Variants in NCAPD2 observed in about 807,000 individuals in gnomAD.
NCAPD2 encodes non-SMC condensin I complex subunit D2.
In NCAPD2, 100 loss-of-function variants were observed where a neutral mutation model predicts 164.5. The observed-to-expected ratio is 0.61, with a 90% CI of 0.52 to 0.72. NCAPD2 has a LOEUF of 0.72. Ranked by LOEUF, NCAPD2 falls within the 30% of genes least tolerant of loss-of-function variation. The probability of loss-of-function intolerance (pLI) is 0.00; values close to 1 mark genes in which losing one functional copy is unlikely to be tolerated. For synonymous variants in NCAPD2, 585 were observed against 642.6 expected (o/e 0.91, Z 1.36); for missense variants, 1,560 against 1,749.2 (o/e 0.89, Z 1.93).
At chr12:6,507,306 A>C (rs2137043428) in intron 2 of NCAPD2, among the ~76,000 whole-genome samples, 1 of 152,378 alleles carries the variant, frequency 6.6e-6, no homozygotes, top group Non-Finnish European at 1.5e-5. Context: ...ACAAAAATGA[A>C]GGGAGGCTGG....
chr12:6,527,702 T>C lies in NCAPD2; in HGVS notation c.2908-75T>C, dbSNP rs138756174. Reference sequence around the variant, plus strand: ...AATTTGCCCTTCCTCACTTTGTTCATGCAAAACAAAGTATGGGCTGGAATC... The same window carrying C: ...AATTTGCCCTTCCTCACTTTGTTCACGCAAAACAAAGTATGGGCTGGAATC... On this transcript the variant is annotated intron_variant, in intron 22 of 31. Coordinates refer to ENST00000315579, the MANE Select transcript of NCAPD2 (RefSeq NM_014865.4). The C allele has an allele frequency of 6.6e-3, 9,257 of 1,392,190 alleles. 53 individuals carry two copies. Among genetic ancestry groups the C allele is most frequent in the Non-Finnish European group, 8.4e-3 (8,425 of 1,004,376 alleles). The allele number at this position is 1,392,190 out of a possible 1,614,324, so 86.2% of individuals were successfully genotyped here.
At chr12:6,520,739 C>T (rs573143733) in intron 13 of NCAPD2, among the ~76,000 whole-genome samples, 2 of 152,046 alleles carry the variant, frequency 1.3e-5, no homozygotes, top group Non-Finnish European at 2.9e-5. Flanking sequence ...TTTTTGAAGA[C>T]TGTAGTAATG....
intron 17 of NCAPD2, among the ~76,000 whole-genome samples, chr12:6,524,497 A>T (rs1376225320): frequency 6.6e-6 from 1 of 151,830 alleles, no homozygotes; most frequent in Non-Finnish European, 1.5e-5. Context: ...AAATACAAAA[A>T]AATTAGCCAG....
intron 20 of NCAPD2, 33 bp from the exon 21 acceptor site, chr12:6,526,415 T>G: frequency 1.2e-6 from 2 of 1,614,146 alleles, no homozygotes; most frequent in Non-Finnish European, 1.7e-6. Flanking sequence ...GGCCCTTTGT[T>G]GCAGTAAACA....
intron 2 of NCAPD2, among the ~76,000 whole-genome samples, chr12:6,503,265 C>G (rs1300808340): frequency 0.026 from 6 of 232 alleles, no homozygotes; most frequent in Non-Finnish European, 0.044. Context: ...AGAAAATGGA[C>G]TGAGAAAAAT....
chr12:6,529,687 A>G, intron 28 of NCAPD2, 88 bp from the exon 29 acceptor site: 1 of 1,601,938 alleles, frequency 6.2e-7, no homozygotes, highest in Non-Finnish European at 8.5e-7. Flanking sequence ...CCACTGTGGC[A>G]TCCCTGGGAC....
At chr12:6,500,758 GTGAA>G (rs1946026845) in intron 2 of NCAPD2, among the ~76,000 whole-genome samples, 2 of 152,190 alleles carry the variant, frequency 1.3e-5, no homozygotes, top group South Asian at 4.1e-4. Flanking sequence ...GAACTTCAGT[GTGAA>G]TGAACTTGAA....
intron 2 of NCAPD2, among the ~76,000 whole-genome samples, chr12:6,495,588 G>GT (rs1269186480): frequency 6.6e-6 from 1 of 152,120 alleles, no homozygotes; most frequent in Non-Finnish European, 1.5e-5. Flanking sequence ...CCTGTTTTTG[G>GT]TAATACCTTT....
At chr12:6,522,531 G>C (rs1208490622) in intron 15 of NCAPD2, among the ~76,000 whole-genome samples, 1 of 151,214 alleles carries the variant, frequency 6.6e-6, no homozygotes, top group Non-Finnish European at 1.5e-5. Context: ...GCTACAGTGA[G>C]CTGTGGTCAT....
intron 17 of NCAPD2, among the ~76,000 whole-genome samples, chr12:6,524,558 A>T (rs1370509713): frequency 6.6e-6 from 1 of 150,674 alleles, no homozygotes; most frequent in Non-Finnish European, 1.5e-5. Flanking sequence ...CTGAGGCAGG[A>T]CAGTTGCTTG....
chr12:6,514,416 C>T (rs747968970), intron 7 of NCAPD2, 24 bp downstream of exon 7: 8 of 1,614,042 alleles, frequency 5.0e-6, no homozygotes, highest in Admixed American at 1.7e-5. Context: ...CGCTTTGCCC[C>T]GCCTTTTTTG....
chr12:6,496,211 A>G (rs1945982931), intron 2 of NCAPD2, among the ~76,000 whole-genome samples: 1 of 151,686 alleles, frequency 6.6e-6, no homozygotes, highest in Non-Finnish European at 1.5e-5. Context: ...GGTGCACGCC[A>G]CTACCACCTG....
Position 6,517,604 on chromosome 12 carries a change from T to A in NCAPD2, c.1329T>A (p.Asp443Glu), listed in dbSNP as rs1946215587. Residue 443 changes from aspartate (D) to glutamate (E), a missense_variant, in exon 12 of 32, where the codon GAT (aspartate) becomes GAA (glutamate). Asp to Glu is a conservative substitution (Grantham distance 45). Coordinates refer to ENST00000315579, the MANE Select transcript of NCAPD2 (RefSeq NM_014865.4). The stretch of plus-strand genomic sequence containing the variant: ...TTCATTTTACCTGATAGCTTAGTGA[T>A]GCTGACCTTGCCGGACCACTGCAGA... ...ANNPFSCKLS[D>E]ADLAGPLQKE... 1.2e-6 allele frequency: 2 copies of A among 1,614,144 alleles called. No individual in the cohort carries two copies. Among genetic ancestry groups the A allele is most frequent in the African/African-American group, 2.7e-5 (2 of 74,950 alleles).
chr12:6,510,232 G>T, intron 4 of NCAPD2, 99 bp downstream of exon 4: 3 of 1,273,592 alleles, frequency 2.4e-6, no homozygotes, highest in Non-Finnish European at 3.4e-6. Context: ...GCCACATGAT[G>T]ATATCAAGGC....
In NCAPD2 at chr12:6,522,894, G is replaced by C; in HGVS notation, c.2021G>C (p.Gly674Ala). 1 of 1,614,152 alleles carries C rather than the reference G, an allele frequency of 6.2e-7. No individual in the cohort carries two copies. Among genetic ancestry groups the C allele is most frequent in the Non-Finnish European group, 8.5e-7 (1 of 1,180,036 alleles). Residue 674 changes from glycine to alanine, a missense_variant, in exon 16 of 32, where the codon GGG becomes GCG. Gly to Ala is a moderately conservative substitution (Grantham distance 60). Coordinates refer to ENST00000315579, the MANE Select transcript of NCAPD2 (RefSeq NM_014865.4). Reference protein sequence around the residue: ...FQFGVPQALFGVRRMLPLIWS... With the variant: ...FQFGVPQALFAVRRMLPLIWS... ...TTTGGGGTACCCCAGGCCCTGTTTG[G>C]GGTGCGCCGTATGCTGCCTCTCATC...
Position 6,528,958 on chromosome 12 carries a change from A to G in NCAPD2, c.3491A>G (p.Tyr1164Cys). Residue 1164 changes from tyrosine to cysteine, a missense_variant, in exon 27 of 32, where the codon TAT becomes TGT. Tyr to Cys is a radical substitution (Grantham distance 194). Transcript: ENST00000315579. This position sits in a 1 kb window ranked among gnomAD's most constrained non-coding sequence, Gnocchi z 5.1. ...NELSHKGNAI[Y>C]NLLPDIISRL... ...TCTGTCTTACAGGGCAACGCAATCT[A>G]TAATCTCCTTCCAGATATCATCAGC... 1 of 1,614,112 alleles carries G rather than the reference A, an allele frequency of 6.2e-7. No homozygotes were observed. The highest frequency in any genetic ancestry group is 8.5e-7 in the Non-Finnish European group (1 of 1,180,010).
Position 6,522,835 on chromosome 12 carries a change from G to A in NCAPD2, c.1962G>A (p.Gln654=). 2 of 1,614,078 alleles carry A rather than the reference G, an allele frequency of 1.2e-6. No individual in the cohort carries two copies. Among genetic ancestry groups the A allele is most frequent in the South Asian group, 2.2e-5 (2 of 91,068 alleles). Residue 654 remains glutamine, a synonymous_variant, in exon 16 of 32, where the codon CAG becomes CAA. Transcript: ENST00000315579. ...MMYENTTTVV[Q]EVIEFFVMVF... is the part of the protein sequence containing the mutation. The stretch of plus-strand genomic sequence containing the variant: ...TTGTACATGTTCTCTCAGTGGTGCA[G>A]GAGGTGATTGAATTCTTTGTGATGG...
Position 6,531,832 on chromosome 12 carries a change from C to T in NCAPD2, c.*420C>T, listed in dbSNP as rs1251359543. The T allele has an allele frequency of 1.9e-5, 4 of 215,320 alleles. No individual in the cohort carries two copies. Among genetic ancestry groups the T allele is most frequent in the Non-Finnish European group, 2.9e-5 (3 of 105,002 alleles). The allele number at this position is 215,320 out of a possible 1,614,324, so 13.3% of individuals were successfully genotyped here. ...ATTAAAAAAAAAATGCCTACACGCTCTTTAAAATGCAAGGCTTTCTCTTAA... is the reference window on the plus strand; with the variant it reads ...ATTAAAAAAAAAATGCCTACACGCTTTTTAAAATGCAAGGCTTTCTCTTAA... On this transcript the variant is annotated 3_prime_UTR_variant, in exon 32 of 32. Transcript: ENST00000315579. This position sits in a 1 kb window ranked among gnomAD's most constrained non-coding sequence, Gnocchi z 4.1.
intron 14 of NCAPD2, among the ~76,000 whole-genome samples, chr12:6,521,436 C>A (rs1403215674): frequency 1.3e-5 from 2 of 152,186 alleles, no homozygotes; most frequent in Non-Finnish European, 2.9e-5. Context: ...AATCCTAACA[C>A]TTTGGGAGGC....
Sources: gnomAD v4.1 joint callset for allele counts (sites outside exome capture counted in the v4.1 genomes callset) on GRCh38, gnomAD v4.1.1 for gene constraint, Gnocchi (gnomAD v3.1) non-coding constraint, MANE v1.5 for transcripts, NCBI Gene and HGNC (gene_info 2026-07-23, HGNC 2026-07-21) for gene names.